The following NID1 variants were observed in gnomAD, a reference collection of about 807,000 sequenced individuals.
The protein encoded by NID1 is nidogen 1.
NID1 carries 76 observed loss-of-function variants against 130.6 expected under a neutral mutation model. The ratio of observed to expected loss-of-function variants is 0.58; its 90% CI spans 0.48 to 0.70. NID1 has a LOEUF of 0.70. NID1 is among the 30% of genes least tolerant of loss of function. The pLI is 0.00. For synonymous variants in NID1, 665 were observed against 675.1 expected (o/e 0.98, Z 0.23); for missense variants, 1,517 against 1,664.8 (o/e 0.91, Z 1.54).
chr1:236,006,258 T>C (rs1572591417), intron 12 of NID1, among the ~76,000 whole-genome samples: 1 of 152,140 alleles, frequency 6.6e-6, no homozygotes, highest in East Asian at 1.9e-4. Context: ...AAAGTAATGA[T>C]GAAATTAGAA....
rs755544534 is a variant in NID1, at chr1:235,979,917, G to A, written c.3414C>T (p.Pro1138=). 1.2e-6 allele frequency: 2 copies of A among 1,614,098 alleles called. No individual in the cohort carries two copies. The highest frequency in any genetic ancestry group is 8.5e-7 in the Non-Finnish European group (1 of 1,179,960). ...GAGCCTTGCGTCTGCTGGGCTGACT[G>A]GGGTTCAGGCATTCCGCCCGATTGG... The part of the protein sequence containing the change: ...AGTNRAECLN[P]SQPSRRKALE... Residue 1138 remains proline, a synonymous_variant, in exon 18 of 20, where the codon CCC becomes CCT. Coordinates refer to ENST00000264187, the MANE Select transcript of NID1 (RefSeq NM_002508.3). This position sits in a 1 kb window ranked among gnomAD's most constrained non-coding sequence, Gnocchi z 4.6.
At chr1:235,991,138 C>T (rs540843863) in intron 13 of NID1, 80 bp from the exon 14 acceptor site, 6 of 1,153,882 alleles carry the variant, frequency 5.2e-6, no homozygotes, top group African/African-American at 1.6e-5. Flanking sequence ...CCCCCACACA[C>T]ATGCACGCAT....
At chr1:236,035,689 C>T (rs935610995) in intron 5 of NID1, among the ~76,000 whole-genome samples, 9 of 152,144 alleles carry the variant, frequency 5.9e-5, no homozygotes, top group Non-Finnish European at 1.0e-4. Context: ...GGCTGCCATC[C>T]GGGGATCAGC....
rs1316469551 is a variant in NID1 at position 235,976,362 on chromosome 1, CT to C, written c.*1504del. On this transcript the variant is annotated 3_prime_UTR_variant, in exon 20 of 20. Transcript: ENST00000264187. ...TTCCATGTTCTCAAGTATAAGTGGT[CT>C]TTGGCAAAATGTACCATTTTCTTTT... 1 of 152,144 alleles carries C rather than the reference CT, an allele frequency of 6.6e-6. No homozygotes were observed. Among genetic ancestry groups the C allele is most frequent in the Non-Finnish European group, 1.5e-5 (1 of 68,012 alleles). The allele number at this position is 152,144 out of a possible 1,614,324, so 9.4% of individuals were successfully genotyped here.
chr1:236,036,536 C>G (rs1659267938), intron 5 of NID1, among the ~76,000 whole-genome samples: 1 of 152,090 alleles, frequency 6.6e-6, no homozygotes, highest in African/African-American at 2.4e-5. Context: ...GGAAAATGAC[C>G]CACGACAAGT....
At chr1:235,985,572 G>T in intron 14 of NID1, 67 bp from the exon 15 acceptor site, 2 of 1,556,626 alleles carry the variant, frequency 1.3e-6, no homozygotes, top group Non-Finnish European at 1.8e-6. Context: ...ATCTTTTTGC[G>T]TGCCTACAGG....
At position 236,029,615 on chromosome 1, in the gene NID1, T is replaced by C; in HGVS notation, c.1673A>G (p.Gln558Arg). The change falls in exon 7 of 20, where the codon CAG (glutamine) becomes CGG (arginine). Residue 558 changes from glutamine to arginine, a missense_variant. Gln to Arg is a conservative substitution (Grantham distance 43). Around this residue, in one of 3 missense-constraint regions of NID1, gnomAD observed 1,329 missense variants for 1,429.2 expected, o/e 0.93. Coordinates refer to ENST00000264187, the MANE Select transcript of NID1 (RefSeq NM_002508.3). Reference sequence around the variant, plus strand: ...GTGCACGGAGGAGCCGAACGGAATCTGCGGCACGCGGCCCTCCAGCTCCGT... The same window carrying C: ...GTGCACGGAGGAGCCGAACGGAATCCGCGGCACGCGGCCCTCCAGCTCCGT... ...IDTELEGRVP[Q>R]IPFGSSVHIE... The C allele has an allele frequency of 6.2e-7, 1 of 1,604,554 alleles. No homozygotes were observed. Among genetic ancestry groups the C allele is most frequent in the Non-Finnish European group, 8.5e-7 (1 of 1,175,772 alleles).
intron 12 of NID1, among the ~76,000 whole-genome samples, chr1:236,009,181 A>AG (rs1343716983): frequency 6.6e-6 from 1 of 152,140 alleles, no homozygotes; most frequent in Non-Finnish European, 1.5e-5. Flanking sequence ...AGGTCATGAA[A>AG]GGGGGGCCCT....
At chr1:236,006,262 A>G (rs1400702804) in intron 12 of NID1, among the ~76,000 whole-genome samples, 1 of 152,212 alleles carries the variant, frequency 6.6e-6, no homozygotes, top group Non-Finnish European at 1.5e-5. Flanking sequence ...TAATGATGAA[A>G]TTAGAATATC....
chr1:235,983,613 T>G (rs1657497507), intron 15 of NID1, among the ~76,000 whole-genome samples: 1 of 152,150 alleles, frequency 6.6e-6, no homozygotes, highest in South Asian at 2.1e-4. Context: ...GGAAGCTCCA[T>G]GAGCTCCGTG....
chr1:235,991,387 C>T lies in NID1; in HGVS notation c.2756-329G>A, dbSNP rs187680835. Among the ~76,000 whole-genome samples the T allele has an allele frequency of 5.3e-5, 8 of 152,114 alleles. No homozygotes were observed. The East Asian group carries it at 1.5e-3, about 29-fold the overall frequency. ...TTGCTCTGTCACCCAGGCCAGAGTG[C>T]AATGGTGCGATCTTGGCTCACTGCA... On this transcript the variant is annotated intron_variant, in intron 13 of 19. Coordinates refer to ENST00000264187, the MANE Select transcript of NID1 (RefSeq NM_002508.3).
At chr1:235,997,856 C>T (rs1234968055) in intron 12 of NID1, among the ~76,000 whole-genome samples, 1 of 152,152 alleles carries the variant, frequency 6.6e-6, no homozygotes, top group Admixed American at 6.5e-5. Flanking sequence ...GATCCACCCA[C>T]CTCGGCCTCC....
chr1:235,981,134 C>T (rs1572574506), intron 16 of NID1, among the ~76,000 whole-genome samples: 3 of 152,052 alleles, frequency 2.0e-5, no homozygotes, highest in Admixed American at 1.3e-4. Flanking sequence ...GAATCAGTGT[C>T]GAGGAACTAA....
chr1:236,011,296 C>CT (rs3077493), intron 12 of NID1, among the ~76,000 whole-genome samples: 7 of 135,994 alleles, frequency 5.1e-5, no homozygotes, highest in Non-Finnish European at 7.8e-5. Flanking sequence ...CAAATATATT[C>CT]TTTTTTTTTC....
intron 14 of NID1, among the ~76,000 whole-genome samples, chr1:235,987,103 T>C (rs1657595372): frequency 6.6e-6 from 1 of 152,234 alleles, no homozygotes; most frequent in African/African-American, 2.4e-5. Flanking sequence ...TGGGCTATTG[T>C]TTGGTTTGAA....
intron 9 of NID1, among the ~76,000 whole-genome samples, chr1:236,020,298 A>G (rs1658725906): frequency 6.6e-6 from 1 of 152,002 alleles, no homozygotes; most frequent in South Asian, 2.1e-4. Flanking sequence ...CTCCTTTTTG[A>G]CTTTTTTCAG....
At chr1:236,042,785 A>G (rs1415213821) in intron 3 of NID1, among the ~76,000 whole-genome samples, 1 of 131,462 alleles carries the variant, frequency 7.6e-6, no homozygotes, top group East Asian at 2.6e-4. Context: ...TTCTGAAGTG[A>G]TAAGAGTGTC....
At chr1:236,039,124 A>G (rs1260392849) in intron 4 of NID1, among the ~76,000 whole-genome samples, 5 of 143,684 alleles carry the variant, frequency 3.5e-5, no homozygotes, top group Admixed American at 2.9e-4. Context: ...ATATTACATT[A>G]TATAAAATAC....
At chr1:236,017,363 A>C in intron 9 of NID1, 90 bp from the exon 10 acceptor site, 1 of 1,415,176 alleles carries the variant, frequency 7.1e-7, no homozygotes, top group Admixed American at 2.2e-5. Flanking sequence ...TCACCTAAGA[A>C]TAGATCAATT....
Sources: allele counts gnomAD v4.1 joint callset (sites outside exome capture counted in the v4.1 genomes callset), GRCh38; gene constraint gnomAD v4.1.1; regional missense constraint gnomAD v4.1.1; non-coding constraint Gnocchi (gnomAD v3.1); transcripts MANE v1.5; gene names NCBI Gene and HGNC (gene_info 2026-07-23, HGNC 2026-07-21).